Variants in ALK observed in about 807,000 individuals in gnomAD.
ALK encodes the protein ALK receptor tyrosine kinase.
ALK carries 74 observed loss-of-function variants against 163.1 expected under a neutral mutation model. The ratio of observed to expected loss-of-function variants is 0.45; its 90% CI spans 0.38 to 0.55. The LOEUF (loss-of-function observed/expected upper bound fraction) is 0.55, where lower values mean the gene tolerates loss of function less well. ALK is among the 20% of genes least tolerant of loss of function. The pLI is 0.00. For missense variants in ALK, 2,063 were observed against 2,105.3 expected, an observed-to-expected ratio of 0.98 and a Z score of 0.39; for synonymous variants, 960 against 843.2, an observed-to-expected ratio of 1.14 and a Z score of -2.40.
intron 23 of ALK, among the ~76,000 whole-genome samples, chr2:29,217,284 T>C (rs1342886485): frequency 1.3e-5 from 2 of 150,836 alleles, no homozygotes; most frequent in Non-Finnish European, 3.0e-5. Flanking sequence ...GTGGTGCATG[T>C]CTGTGGTGTG....
At chr2:29,832,603 T>C (rs182148869) in intron 1 of ALK, among the ~76,000 whole-genome samples, 9 of 152,340 alleles carry the variant, frequency 5.9e-5, no homozygotes, top group African/African-American at 2.2e-4. Context: ...CTTCTGAACA[T>C]AGCTACTTCG....
Position 29,531,443 on chromosome 2 carries a change from C to T in ALK, c.1154+472G>A, listed in dbSNP as rs181220234. The stretch of plus-strand genomic sequence containing the variant: ...TCCAATCTCTACTGAATTACATTGG[C>T]GTAGTATCCATGACTAATCCTGCTC... On this transcript the variant is annotated intron_variant, in intron 4 of 28. Coordinates refer to ENST00000389048, the MANE Select transcript of ALK (RefSeq NM_004304.5). Among the ~76,000 whole-genome samples, 96 of 152,170 alleles carry T rather than the reference C, an allele frequency of 6.3e-4. 1 individual carries two copies. The highest frequency in any genetic ancestry group is 3.2e-3 in the Admixed American group (49 of 15,304).
chr2:29,325,938 C>T (rs1352540316), intron 6 of ALK, among the ~76,000 whole-genome samples: 2 of 152,120 alleles, frequency 1.3e-5, no homozygotes, highest in Non-Finnish European at 2.9e-5. Context: ...TGATGGGGAA[C>T]ACAGCAAAAA....
chr2:29,598,095 T>C (rs968864263), intron 3 of ALK, among the ~76,000 whole-genome samples: 1 of 152,248 alleles, frequency 6.6e-6, no homozygotes, highest in African/African-American at 2.4e-5. Context: ...TGGTGCGATC[T>C]TGGCTCACTG....
At chr2:29,643,872 A>G (rs1327657755) in intron 3 of ALK, among the ~76,000 whole-genome samples, 1 of 152,200 alleles carries the variant, frequency 6.6e-6, no homozygotes. Flanking sequence ...TAGGAATACC[A>G]TTTGACCCAG....
intron 9 of ALK, among the ~76,000 whole-genome samples, chr2:29,282,108 C>T (rs1181157599): frequency 6.6e-6 from 1 of 152,180 alleles, no homozygotes; most frequent in East Asian, 1.9e-4. Context: ...CTTCCTTGGC[C>T]ATTTAGTGGG....
At chr2:29,245,091 G>C (rs749069464) in intron 12 of ALK, among the ~76,000 whole-genome samples, 10 of 152,128 alleles carry the variant, frequency 6.6e-5, no homozygotes, top group Non-Finnish European at 1.5e-4. Flanking sequence ...CCTGCACACA[G>C]TAGGGGCTCC....
intron 1 of ALK, among the ~76,000 whole-genome samples, chr2:29,901,180 T>C (rs1467159585): frequency 2.6e-5 from 4 of 152,308 alleles, no homozygotes; most frequent in East Asian, 1.9e-4. Context: ...AGAGCCTCAT[T>C]TGTGAAACAG....
chr2:29,365,416 C>A (rs532740113), intron 5 of ALK, among the ~76,000 whole-genome samples: 1 of 152,272 alleles, frequency 6.6e-6, no homozygotes, highest in South Asian at 2.1e-4. Context: ...GGTTATGGAT[C>A]TGGTTGAGCC....
chr2:29,247,739 C>T (rs1664720663), intron 12 of ALK, among the ~76,000 whole-genome samples: 1 of 152,140 alleles, frequency 6.6e-6, no homozygotes, highest in Non-Finnish European at 1.5e-5. Flanking sequence ...CGCTCCCTTC[C>T]CTTCACCTCC....
chr2:29,248,095 C>A (rs1281153796), intron 12 of ALK, among the ~76,000 whole-genome samples: 2 of 152,090 alleles, frequency 1.3e-5, no homozygotes, highest in African/African-American at 4.8e-5. Flanking sequence ...TCATCTAAGA[C>A]CTGAGTCTCT....
intron 1 of ALK, among the ~76,000 whole-genome samples, chr2:29,835,992 C>A (rs1290768622): frequency 6.6e-6 from 1 of 152,130 alleles, no homozygotes; most frequent in Admixed American, 6.5e-5. Context: ...GTTGAGACAT[C>A]ACCGAGGCAC....
intron 1 of ALK, among the ~76,000 whole-genome samples, chr2:29,840,044 G>C (rs1038225166): frequency 5.9e-5 from 9 of 152,162 alleles, no homozygotes; most frequent in Admixed American, 6.5e-5. Context: ...TAGCAAATCT[G>C]AGATTACAGT....
At chr2:29,732,542 A>T (rs1471188823) in intron 1 of ALK, among the ~76,000 whole-genome samples, 1 of 152,176 alleles carries the variant, frequency 6.6e-6, no homozygotes, top group Non-Finnish European at 1.5e-5. Context: ...CTTGAGGAAG[A>T]TGTGTTTATG....
At chr2:29,784,763 A>G (rs1663961290) in intron 1 of ALK, among the ~76,000 whole-genome samples, 1 of 152,096 alleles carries the variant, frequency 6.6e-6, no homozygotes, top group African/African-American at 2.4e-5. Flanking sequence ...CAGACTGCTA[A>G]TTATTTGAAG....
At chr2:29,648,394 G>A (rs879772925) in intron 3 of ALK, among the ~76,000 whole-genome samples, 4 of 151,802 alleles carry the variant, frequency 2.6e-5, no homozygotes, top group African/African-American at 9.7e-5. Flanking sequence ...ATATAGTTTG[G>A]TGGTATTAAG....
chr2:29,816,861 G>C (rs1228800257), intron 1 of ALK, among the ~76,000 whole-genome samples: 1 of 152,218 alleles, frequency 6.6e-6, no homozygotes, highest in African/African-American at 2.4e-5. Context: ...AGCTGAATCA[G>C]ATTTCAATAG....
intron 3 of ALK, among the ~76,000 whole-genome samples, chr2:29,585,015 G>A (rs1021192889): frequency 6.6e-6 from 1 of 152,108 alleles, no homozygotes; most frequent in East Asian, 1.9e-4. Context: ...CAAACGTGTG[G>A]CTTCCTCTCT....
At chr2:29,718,973 C>T (rs569496196) in intron 1 of ALK, among the ~76,000 whole-genome samples, 3 of 152,330 alleles carry the variant, frequency 2.0e-5, no homozygotes, top group African/African-American at 4.8e-5. Flanking sequence ...CCAGCTCTTG[C>T]AGGTTCTGGT....
Sources: allele counts gnomAD v4.1 joint callset (sites outside exome capture counted in the v4.1 genomes callset), GRCh38; gene constraint gnomAD v4.1.1; transcripts MANE v1.5; gene names NCBI Gene and HGNC (gene_info 2026-07-23, HGNC 2026-07-21).